Variants in ANKRD17 observed in about 807,000 individuals in gnomAD.
ANKRD17 encodes ankyrin repeat domain 17, also known as ankyrin repeat domain-containing protein 17.
ANKRD17 carries 19 observed loss-of-function variants against 229.7 expected under a neutral mutation model. The observed-to-expected ratio is 0.08, with a 90% CI of 0.06 to 0.12. The LOEUF is 0.12. Ranked by LOEUF, ANKRD17 falls within the 10% of genes least tolerant of loss-of-function variation. The pLI is 1.00. For synonymous variants in ANKRD17, 1,112 were observed against 1,146.1 expected (o/e 0.97, Z 0.60); for missense variants, 2,176 against 3,176.8 (o/e 0.68, Z 7.57).
chr4:73,137,989 T>A (rs1481426777), intron 15 of ANKRD17, among the ~76,000 whole-genome samples: 1 of 152,128 alleles, frequency 6.6e-6, no homozygotes, highest in Admixed American at 6.5e-5. Flanking sequence ...AAAATTTTTT[T>A]AAACAACCAT....
rs1721262376 is a variant in ANKRD17, at chr4:73,078,779, G to T, written c.7271C>A (p.Pro2424Gln). The T allele has an allele frequency of 6.2e-7, 1 of 1,614,016 alleles. No individual in the cohort carries two copies. The highest frequency in any genetic ancestry group is 1.3e-5 in the African/African-American group (1 of 74,914). ...AGAACGTTCAGTCCCAATAGGGACT[G>T]GAACTTTCCTGTCCTGAGACACATT... Reference protein sequence around the residue: ...PSNVSQDRKVPVPIGTERSAR... With the variant: ...PSNVSQDRKVQVPIGTERSAR... Residue 2424 changes from proline to glutamine, a missense_variant, in exon 31 of 34, where the codon CCA becomes CAA. Physicochemically the swap from Pro to Gln is moderately conservative, Grantham distance 76. Coordinates refer to ENST00000358602, the MANE Select transcript of ANKRD17 (RefSeq NM_032217.5).
chr4:73,158,164 G>GAAAGAAAGAAAGAAAGAAAGAAAA (rs1731980085), intron 3 of ANKRD17, among the ~76,000 whole-genome samples: 1 of 145,458 alleles, frequency 6.9e-6, no homozygotes, highest in Non-Finnish European at 1.5e-5. Flanking sequence ...AAGAAAGAAA[G>GAAAGAAAGAAAGAAAGAAAGAAAA]AAAGAAAGAA....
At chr4:73,207,577 G>T (rs1739642767) in intron 1 of ANKRD17, among the ~76,000 whole-genome samples, 1 of 152,144 alleles carries the variant, frequency 6.6e-6, no homozygotes, top group Admixed American at 6.5e-5. Flanking sequence ...AATGGAGAAA[G>T]ATATACCATG....
chr4:73,095,550 C>T (rs920460043), intron 27 of ANKRD17, among the ~76,000 whole-genome samples: 4 of 146,800 alleles, frequency 2.7e-5, no homozygotes, highest in Admixed American at 7.0e-5. Flanking sequence ...TGCAGCAAGC[C>T]GAGATCACGC....
At chr4:73,128,692 CATAATA>C (rs1560562543) in intron 16 of ANKRD17, among the ~76,000 whole-genome samples, 2 of 152,124 alleles carry the variant, frequency 1.3e-5, no homozygotes, top group East Asian at 3.9e-4. Flanking sequence ...AGGAGACAAG[CATAATA>C]ATATATTATG....
intron 6 of ANKRD17, 128 bp downstream of exon 6, chr4:73,153,752 T>A: frequency 3.3e-6 from 2 of 599,088 alleles, no homozygotes; most frequent in South Asian, 1.1e-4. Flanking sequence ...TGCAAACACT[T>A]ATTTAACCTT....
Position 73,091,335 on chromosome 4 carries a change from G to A in ANKRD17, c.6293C>T (p.Ser2098Phe). The change falls in exon 29 of 34, where the codon TCT becomes TTT. Residue 2098 changes from serine to phenylalanine, a missense_variant. By Grantham distance (155) the Ser-to-Phe change is radical (BLOSUM62 -2). This residue lies in a region of ANKRD17 where 424 missense variants were observed against 454.0 expected (regional missense o/e 0.93). Coordinates refer to ENST00000358602, the MANE Select transcript of ANKRD17 (RefSeq NM_032217.5). ...TNTRPPNSSSSSGSSSAHSNQ... is the reference protein window; with the variant it reads ...TNTRPPNSSSFSGSSSAHSNQ... ...AGAATGAGCTGATGAACTCCCAGAA[G>A]AACTGCTGCTGTTTGGAGGTCTAGT... is the stretch of plus-strand genomic sequence containing the variant. The A allele has an allele frequency of 2.5e-6, 4 of 1,614,110 alleles. No individual in the cohort carries two copies. In the South Asian group the frequency reaches 4.4e-5, roughly 18 times the overall value.
chr4:73,105,848 G>A (rs1724545001), intron 24 of ANKRD17, among the ~76,000 whole-genome samples: 1 of 152,198 alleles, frequency 6.6e-6, no homozygotes, highest in South Asian at 2.1e-4. Context: ...CTTGACTGAA[G>A]CTGTAGGTAG....
At chr4:73,226,245 G>C (rs1276659055) in intron 1 of ANKRD17, among the ~76,000 whole-genome samples, 2 of 152,006 alleles carry the variant, frequency 1.3e-5, no homozygotes, top group Non-Finnish European at 2.9e-5. Flanking sequence ...AAAGTGCTGG[G>C]ATAACAGGCG....
rs1223869066 is a variant in ANKRD17 at position 73,161,183 on chromosome 4, T to C, written c.704+9A>G. ...GATTTCATACTGATGGCAGCAAAAA[T>C]GTACTTACTTGTCCGACTGCCCTGC... On this transcript the variant is annotated intron_variant, in intron 3 of 33. Transcript: ENST00000358602. 1 of 1,607,714 alleles carries C rather than the reference T, an allele frequency of 6.2e-7. No individual in the cohort carries two copies. Among genetic ancestry groups the C allele is most frequent in the Non-Finnish European group, 8.5e-7 (1 of 1,178,170 alleles).
intron 1 of ANKRD17, among the ~76,000 whole-genome samples, chr4:73,211,108 A>G (rs1740190921): frequency 6.6e-6 from 1 of 152,120 alleles, no homozygotes. Flanking sequence ...CTAAAAATTA[A>G]CCATATAGTC....
At chr4:73,116,947 T>C (rs1726038799) in intron 22 of ANKRD17, among the ~76,000 whole-genome samples, 1 of 152,018 alleles carries the variant, frequency 6.6e-6, no homozygotes, top group South Asian at 2.1e-4. Flanking sequence ...CATAAGAGTA[T>C]AAAAGATAAG....
intron 1 of ANKRD17, among the ~76,000 whole-genome samples, chr4:73,179,189 T>C (rs915714032): frequency 2.2e-4 from 34 of 152,032 alleles, no homozygotes; most frequent in African/African-American, 7.0e-4. Context: ...TATGTTTCTC[T>C]ACAAAGTTCC....
chr4:73,099,768 T>C (rs545763707), intron 25 of ANKRD17, among the ~76,000 whole-genome samples: 85 of 152,290 alleles, frequency 5.6e-4, no homozygotes, highest in Non-Finnish European at 8.5e-4. Context: ...CAGTCCCCTT[T>C]GGCTACAGGA....
chr4:73,098,105 C>A lies in ANKRD17; in HGVS notation c.4989G>T (p.Glu1663Asp). Reference sequence around the variant, plus strand: ...AAGCCTTGCCAGAAACAGATTTTCTCTCTTCCTTTGGAAATGTAACAAGAA... The same window carrying A: ...AAGCCTTGCCAGAAACAGATTTTCTATCTTCCTTTGGAAATGTAACAAGAA... ...PSVLVTFPKE[E>D]RKSVSGKASI... Residue 1663 changes from glutamate to aspartate, a missense_variant, in exon 26 of 34, where the codon GAG becomes GAT. By Grantham distance (45) the Glu-to-Asp change is conservative (BLOSUM62 2). Coordinates refer to ENST00000358602, the MANE Select transcript of ANKRD17 (RefSeq NM_032217.5). 2 of 1,605,654 alleles carry A rather than the reference C, an allele frequency of 1.2e-6. No individual in the cohort carries two copies. The highest frequency in any genetic ancestry group is 1.7e-6 in the Non-Finnish European group (2 of 1,174,758).
intron 1 of ANKRD17, among the ~76,000 whole-genome samples, chr4:73,203,259 T>C (rs1362430652): frequency 3.3e-5 from 5 of 152,138 alleles, no homozygotes. Context: ...TACTTTTTAG[T>C]AGAAAATGCC....
At position 73,155,748 on chromosome 4, in the gene ANKRD17, C is replaced by G; in HGVS notation, c.883G>C (p.Asp295His). ...VLLAMHANVE[D>H]RGIKGDITPL... Reference sequence around the variant, plus strand: ...GTAATGTCACCTTTGATTCCCCTATCTTCCACATTTGCATGCATTGCCAAC... The same window carrying G: ...GTAATGTCACCTTTGATTCCCCTATGTTCCACATTTGCATGCATTGCCAAC... The change falls in exon 5 of 34, where the codon GAT becomes CAT. Residue 295 changes from aspartate to histidine, a missense_variant. By Grantham distance (81) the Asp-to-His change is moderately conservative (BLOSUM62 -1). Coordinates refer to ENST00000358602, the MANE Select transcript of ANKRD17 (RefSeq NM_032217.5). 6.2e-7 allele frequency: 1 copy of G among 1,614,124 alleles called. No individual in the cohort carries two copies. Among genetic ancestry groups the G allele is most frequent in the Non-Finnish European group, 8.5e-7 (1 of 1,180,004 alleles).
chr4:73,159,312 GTC>G (rs1173949060), intron 3 of ANKRD17, among the ~76,000 whole-genome samples: 1 of 151,700 alleles, frequency 6.6e-6, no homozygotes, highest in Non-Finnish European at 1.5e-5. Context: ...GTCTCTCTCT[GTC>G]TCTTTCACTT....
chr4:73,129,616 T>A (rs541980008), intron 16 of ANKRD17, among the ~76,000 whole-genome samples: 1 of 151,872 alleles, frequency 6.6e-6, no homozygotes, highest in Non-Finnish European at 1.5e-5. Flanking sequence ...ACTCATGAGT[T>A]TGGGGCAGGA....
Sources: allele counts gnomAD v4.1 joint callset (sites outside exome capture counted in the v4.1 genomes callset), GRCh38; gene constraint gnomAD v4.1.1; regional missense constraint gnomAD v4.1.1; transcripts MANE v1.5; gene names NCBI Gene and HGNC (gene_info 2026-07-23, HGNC 2026-07-21).